ADCY3: variants seen among roughly 807,000 people sequenced by gnomAD.
ADCY3 encodes adenylate cyclase type 3.
Under a neutral mutation model 119.4 loss-of-function variants are expected in ADCY3, and 70 were observed. That is an observed-to-expected ratio of 0.59 (90% confidence interval 0.48 to 0.72). The LOEUF is 0.72. Ranked by LOEUF, ADCY3 falls within the 30% of genes least tolerant of loss-of-function variation. The probability of loss-of-function intolerance (pLI) is 0.00; values close to 1 mark genes in which losing one functional copy is unlikely to be tolerated. For missense variants in ADCY3, 1,238 were observed against 1,541.6 expected (o/e 0.80, Z 3.30); for synonymous variants, 672 against 621.4 (o/e 1.08, Z -1.21).
chr2:24,840,667 G>A (rs900680666), intron 6 of ADCY3: 7 of 389,592 alleles, frequency 1.8e-5, no homozygotes, highest in Middle Eastern at 7.3e-4. Context: ...CCCGGGTCCC[G>A]CAGAGGCTGG....
At chr2:24,892,811 C>T (rs1376300702) in intron 2 of ADCY3, among the ~76,000 whole-genome samples, 3 of 152,028 alleles carry the variant, frequency 2.0e-5, no homozygotes, top group African/African-American at 7.3e-5. Flanking sequence ...TACTTATAGC[C>T]ACACCATCTT....
chr2:24,823,948 G>A (rs574897853), intron 17 of ADCY3, among the ~76,000 whole-genome samples: 2 of 152,304 alleles, frequency 1.3e-5, no homozygotes, highest in African/African-American at 4.8e-5. Flanking sequence ...ACCCGCCTCG[G>A]CCTCCCAAAG....
At chr2:24,853,829 T>C (rs1023363080) in intron 3 of ADCY3, among the ~76,000 whole-genome samples, 2 of 152,206 alleles carry the variant, frequency 1.3e-5, no homozygotes, top group African/African-American at 4.8e-5. Context: ...GGGCATTTCA[T>C]CGCTATTCAA....
intron 7 of ADCY3, 191 bp from the exon 8 acceptor site, chr2:24,838,813 C>T (rs371921508): frequency 1.4e-5 from 22 of 1,608,042 alleles, no homozygotes; most frequent in African/African-American, 1.1e-4. Context: ...CTGTGTGGGC[C>T]GCTAACTAGC....
intron 3 of ADCY3, among the ~76,000 whole-genome samples, chr2:24,859,149 G>C (rs1181019532): frequency 6.6e-6 from 1 of 152,202 alleles, no homozygotes; most frequent in Non-Finnish European, 1.5e-5. Flanking sequence ...AGAAGATAGC[G>C]AGTACAATGC....
At chr2:24,853,210 C>T (rs916048623) in intron 3 of ADCY3, among the ~76,000 whole-genome samples, 12 of 152,048 alleles carry the variant, frequency 7.9e-5, no homozygotes, top group Non-Finnish European at 1.6e-4. Flanking sequence ...AAAGCCAGTG[C>T]GATGTGTTTT....
chr2:24,848,181 G>C (rs1671872693), intron 3 of ADCY3, among the ~76,000 whole-genome samples: 1 of 152,228 alleles, frequency 6.6e-6, no homozygotes, highest in Admixed American at 6.5e-5. Flanking sequence ...GAAGGTTGTG[G>C]GTTTACAGAA....
At position 24,872,693 on chromosome 2, in the gene ADCY3, C is replaced by A. The variant is rs1342008808; in HGVS notation, c.702G>T (p.Leu234=). ...ACATGATGCCCACAGCGATGGCGCA[C>A]AGGTAGAGGAAGACGTTGGCCAGGA... ...REILANVFLY[L]CAIAVGIMSY... is the part of the protein sequence containing the mutation. Residue 234 remains leucine, a synonymous_variant, in exon 3 of 22, where the codon CTG becomes CTT. Transcript: ENST00000679454. The surrounding 1 kb of genome is among the most constrained non-coding windows in gnomAD (Gnocchi z 4.4). 1.9e-6 allele frequency: 3 copies of A among 1,613,948 alleles called. No individual in the cohort carries two copies. In the African/African-American group the frequency reaches 4.0e-5, roughly 22 times the overall value.
At position 24,899,377 on chromosome 2, in the gene ADCY3, C is replaced by T. The variant is rs13012304; in HGVS notation, c.675+18936G>A. ...ATTCTCTTGCGACCAAAGCCCATGT[C>T]TGTCTAAGAGCGGGACCTCACTCTC... On this transcript the variant is annotated intron_variant, in intron 2 of 21. Transcript: ENST00000679454. The surrounding 1 kb of genome is among the most constrained non-coding windows in gnomAD (Gnocchi z 4.5). 0.32 allele frequency among the ~76,000 whole-genome samples: 48,483 copies of T among 152,122 alleles called. 7,883 individuals are homozygous for T. The highest frequency in any genetic ancestry group is 0.37 in the East Asian group (1,937 of 5,170).
At chr2:24,845,363 A>T (rs187207614) in intron 3 of ADCY3, among the ~76,000 whole-genome samples, 80 of 152,340 alleles carry the variant, frequency 5.3e-4, no homozygotes, top group Admixed American at 2.2e-3. Flanking sequence ...AGTGATACGA[A>T]CAATAAGGTC....
chr2:24,852,210 A>G (rs1009064211), intron 3 of ADCY3, among the ~76,000 whole-genome samples: 2 of 151,570 alleles, frequency 1.3e-5, no homozygotes, highest in South Asian at 2.1e-4. Flanking sequence ...CCTCGGGGGG[A>G]ACTTGCAACA....
chr2:24,910,223 A>T (rs1162427095), intron 2 of ADCY3, among the ~76,000 whole-genome samples: 2 of 152,092 alleles, frequency 1.3e-5, no homozygotes, highest in East Asian at 3.8e-4. Flanking sequence ...TTCTTTTTTG[A>T]GACCGGTCTT....
intron 2 of ADCY3, among the ~76,000 whole-genome samples, chr2:24,879,826 C>A (rs1375305957): frequency 6.6e-6 from 1 of 152,024 alleles, no homozygotes; most frequent in Non-Finnish European, 1.5e-5. Context: ...TCTGCCAAGG[C>A]GGGGCTACAG....
Position 24,841,589 on chromosome 2 carries a change from G to C in ADCY3, c.1035C>G (p.Asn345Lys). 6.2e-7 allele frequency: 1 copy of C among 1,613,510 alleles called. No individual in the cohort carries two copies. The highest frequency in any genetic ancestry group is 8.5e-7 in the Non-Finnish European group (1 of 1,179,994). The change falls in exon 5 of 22, where the codon AAC becomes AAG. Residue 345 changes from asparagine (N) to lysine (K), a missense_variant. Physicochemically the swap from Asn to Lys is moderately conservative, Grantham distance 94. Transcript: ENST00000679454. This position sits in a 1 kb window ranked among gnomAD's most constrained non-coding sequence, Gnocchi z 5.8. ...GCTTGTCAAAGCGGGCAAAGAGCTC[G>C]TTGAGCAGCTTCACAAGCTCCTGGG... is the stretch of plus-strand genomic sequence containing the variant. ...CSAQELVKLL[N>K]ELFARFDKLA...
At chr2:24,905,767 G>A (rs77820979) in intron 2 of ADCY3, among the ~76,000 whole-genome samples, 2 of 152,168 alleles carry the variant, frequency 1.3e-5, no homozygotes, top group East Asian at 3.9e-4. Context: ...AGTGCTTGCC[G>A]CCTATCCCAG....
intron 3 of ADCY3, among the ~76,000 whole-genome samples, chr2:24,847,000 T>C (rs1431566304): frequency 6.6e-6 from 1 of 152,036 alleles, no homozygotes; most frequent in African/African-American, 2.4e-5. Flanking sequence ...ATTGGGAAGG[T>C]ATGGTTGGTT....
rs970938337 is a variant in ADCY3, at chr2:24,819,235, A to G, written c.*697T>C. Reference sequence around the variant, plus strand: ...TTATCAATACCTGTAAATTCTCTTAAAGCAGTAGCAAAGGCGACTGTAGCA... The same window carrying G: ...TTATCAATACCTGTAAATTCTCTTAGAGCAGTAGCAAAGGCGACTGTAGCA... On this transcript the variant is annotated 3_prime_UTR_variant, in exon 22 of 22. Transcript: ENST00000679454. 3 of 152,676 alleles carry G rather than the reference A, an allele frequency of 2.0e-5. No homozygotes were observed. Among genetic ancestry groups the G allele is most frequent in the Admixed American group, 2.0e-4 (3 of 15,288 alleles). The allele number at this position is 152,676 out of a possible 1,614,324, so 9.5% of individuals were successfully genotyped here. A position where few individuals can be genotyped will look rare whatever the true frequency, so the allele number is the denominator to read the frequency against.
chr2:24,859,004 A>G (rs1463833165), intron 3 of ADCY3, among the ~76,000 whole-genome samples: 1 of 152,254 alleles, frequency 6.6e-6, no homozygotes, highest in African/African-American at 2.4e-5. Flanking sequence ...CCAAGAGGTG[A>G]GAGTTGGAAC....
At position 24,830,742 on chromosome 2, in the gene ADCY3, G is replaced by C. The variant is rs1669374179; in HGVS notation, c.2139C>G (p.Ile713Met). 6.2e-7 allele frequency: 1 copy of C among 1,614,022 alleles called. No homozygotes were observed. Among genetic ancestry groups the C allele is most frequent in the Admixed American group, 1.7e-5 (1 of 59,994 alleles). Residue 713 changes from isoleucine to methionine, a missense_variant, in exon 13 of 22, where the codon ATC becomes ATG. Around this residue, in one of 7 missense-constraint regions of ADCY3, gnomAD observed 499 missense variants for 571.0 expected, o/e 0.87. Coordinates refer to ENST00000679454, the MANE Select transcript of ADCY3 (RefSeq NM_004036.5). ...WARNTWAMLA[I>M]FILVMANVVD... ...CGACATTTGCCATCACCAGGATGAA[G>C]ATGGCGAGCATGGCCCAGGTGTTCC...
Sources: allele counts gnomAD v4.1 joint callset (sites outside exome capture counted in the v4.1 genomes callset), GRCh38; gene constraint gnomAD v4.1.1; regional missense constraint gnomAD v4.1.1; non-coding constraint Gnocchi (gnomAD v3.1); transcripts MANE v1.5; gene names NCBI Gene and HGNC (gene_info 2026-07-23, HGNC 2026-07-21).